Variants in CNTNAP2 observed in about 807,000 individuals in gnomAD.
The protein encoded by CNTNAP2 is contactin associated protein 2, also known as contactin-associated protein-like 2.
CNTNAP2 carries 98 observed loss-of-function variants against 155.2 expected under a neutral mutation model. That is an observed-to-expected ratio of 0.63 (90% CI 0.54 to 0.75). The LOEUF (loss-of-function observed/expected upper bound fraction) is 0.75, where lower values mean the gene tolerates loss of function less well. CNTNAP2 is among the 30% of genes least tolerant of loss of function. The pLI is 0.00. For missense variants in CNTNAP2, 1,727 were observed against 1,688.1 expected (o/e 1.02, Z -0.40); for synonymous variants, 651 against 631.2 (o/e 1.03, Z -0.47).
chr7:148,231,279 T>C (rs1475778792), intron 20 of CNTNAP2, among the ~76,000 whole-genome samples: 3 of 152,212 alleles, frequency 2.0e-5, no homozygotes, highest in East Asian at 1.9e-4. Flanking sequence ...GCCAGAGATA[T>C]AGACAGTGGA....
intron 13 of CNTNAP2, among the ~76,000 whole-genome samples, chr7:147,699,244 A>AG (rs1040196760): frequency 3.9e-5 from 6 of 152,024 alleles, no homozygotes; most frequent in Non-Finnish European, 8.8e-5. Flanking sequence ...AAAAAAAAAA[A>AG]AAACGCTTTT....
intron 2 of CNTNAP2, 143 bp downstream of exon 2, chr7:146,774,524 G>A (rs1161198774): frequency 1.5e-6 from 1 of 659,200 alleles, no homozygotes; most frequent in Non-Finnish European, 2.7e-6. Context: ...AAGATCCATA[G>A]ATGCCATTAA....
rs374605432 is a variant in CNTNAP2 at position 146,335,394 on chromosome 7, G to A, written c.97+218421G>A. Among the ~76,000 whole-genome samples, 97 of 152,212 alleles carry A rather than the reference G, an allele frequency of 6.4e-4. No individual in the cohort carries two copies. The South Asian group carries it at 0.01, about 16-fold the overall frequency. ...TAAACAAGACAGAAAAATGTCCCTC[G>A]AGATTCTTGCTATTGAGCTGACGAC... On this transcript the variant is annotated intron_variant, in intron 1 of 23. Transcript: ENST00000361727.
At chr7:147,131,379 A>G (rs1240852935) in intron 7 of CNTNAP2, among the ~76,000 whole-genome samples, 1 of 151,988 alleles carries the variant, frequency 6.6e-6, no homozygotes, top group African/African-American at 2.4e-5. Context: ...AAGAAGTTAG[A>G]AGCAAATACA....
chr7:146,674,567 T>C (rs991362099), intron 1 of CNTNAP2, among the ~76,000 whole-genome samples: 1 of 152,088 alleles, frequency 6.6e-6, no homozygotes, highest in African/African-American at 2.4e-5. Context: ...GCCTGTGAAT[T>C]ATACTGACAA....
intron 13 of CNTNAP2, among the ~76,000 whole-genome samples, chr7:147,658,324 C>A (rs1034708676): frequency 2.6e-5 from 4 of 151,654 alleles, no homozygotes; most frequent in African/African-American, 9.7e-5. Context: ...AAGTCAGATT[C>A]TTTGGGCAAA....
At chr7:147,973,160 T>TG (rs1316701536) in intron 14 of CNTNAP2, among the ~76,000 whole-genome samples, 1 of 120,856 alleles carries the variant, frequency 8.3e-6, no homozygotes, top group African/African-American at 3.5e-5. Context: ...TCTCTAAAAT[T>TG]AAAAAAAAAA....
chr7:146,546,683 G>A (rs555287993), intron 1 of CNTNAP2, among the ~76,000 whole-genome samples: 2 of 152,036 alleles, frequency 1.3e-5, no homozygotes, highest in South Asian at 4.2e-4. Flanking sequence ...TGGACTCACA[G>A]TTCCACATGA....
chr7:148,162,540 G>C (rs1322434588), intron 17 of CNTNAP2, among the ~76,000 whole-genome samples: 1 of 152,224 alleles, frequency 6.6e-6, no homozygotes, highest in Non-Finnish European at 1.5e-5. Flanking sequence ...TTTCAAAACT[G>C]TAGTACTGAG....
intron 1 of CNTNAP2, among the ~76,000 whole-genome samples, chr7:146,399,095 G>A (rs1192804418): frequency 2.0e-5 from 3 of 151,608 alleles, no homozygotes; most frequent in African/African-American, 7.3e-5. Context: ...TATATTTGTG[G>A]TATACAACAT....
intron 8 of CNTNAP2, among the ~76,000 whole-genome samples, chr7:147,191,406 G>A (rs574276069): frequency 6.6e-6 from 1 of 152,272 alleles, no homozygotes; most frequent in East Asian, 1.9e-4. Context: ...AAATAACCCT[G>A]TGTAAAAACG....
At chr7:147,775,297 ATATATATTTATAAATATATATAT>A (rs1797554755) in intron 13 of CNTNAP2, among the ~76,000 whole-genome samples, 1 of 50,204 alleles carries the variant, frequency 2.0e-5, no homozygotes, top group African/African-American at 1.2e-4. Flanking sequence ...ATATATATTT[ATATATATTTATAAATATATATAT>A]ATTTATATAT....
At chr7:147,153,193 A>G (rs1428991890) in intron 8 of CNTNAP2, among the ~76,000 whole-genome samples, 1 of 152,214 alleles carries the variant, frequency 6.6e-6, no homozygotes, top group Non-Finnish European at 1.5e-5. Flanking sequence ...TATTTACTAA[A>G]CATTTTCTCT....
At chr7:147,088,164 T>C (rs1292044042) in intron 4 of CNTNAP2, among the ~76,000 whole-genome samples, 1 of 152,174 alleles carries the variant, frequency 6.6e-6, no homozygotes, top group African/African-American at 2.4e-5. Context: ...TCAAAACCTT[T>C]CTAAATTTCA....
At chr7:147,971,682 A>G (rs1801337443) in intron 14 of CNTNAP2, among the ~76,000 whole-genome samples, 1 of 152,180 alleles carries the variant, frequency 6.6e-6, no homozygotes, top group Admixed American at 6.5e-5. Flanking sequence ...CCATACTTTT[A>G]TCCATTCACT....
chr7:147,834,659 GA>G (rs771319453), intron 13 of CNTNAP2, among the ~76,000 whole-genome samples: 1 of 152,034 alleles, frequency 6.6e-6, no homozygotes, highest in Non-Finnish European at 1.5e-5. Context: ...GTGGCTACAT[GA>G]ACTCAAACCC....
intron 1 of CNTNAP2, among the ~76,000 whole-genome samples, chr7:146,599,480 A>G (rs956963458): frequency 6.6e-6 from 1 of 151,972 alleles, no homozygotes; most frequent in Non-Finnish European, 1.5e-5. Context: ...CTGTGCCTAG[A>G]ACTATCCACT....
chr7:148,021,549 G>C (rs1802278833), intron 15 of CNTNAP2, among the ~76,000 whole-genome samples: 1 of 152,222 alleles, frequency 6.6e-6, no homozygotes, highest in African/African-American at 2.4e-5. Flanking sequence ...CACCTGACTT[G>C]TGGGAGAACG....
At chr7:147,377,667 C>T (rs1481726485) in intron 9 of CNTNAP2, among the ~76,000 whole-genome samples, 4 of 151,384 alleles carry the variant, frequency 2.6e-5, no homozygotes, top group East Asian at 2.0e-4. Flanking sequence ...TTACCATCTT[C>T]CCTGTTTATT....
Sources: gnomAD v4.1 joint callset for allele counts (sites outside exome capture counted in the v4.1 genomes callset) on GRCh38, gnomAD v4.1.1 for gene constraint, MANE v1.5 for transcripts, NCBI Gene and HGNC (gene_info 2026-07-23, HGNC 2026-07-21) for gene names.